Variants in PLK4 observed in about 807,000 individuals in gnomAD.
PLK4 encodes the protein serine/threonine-protein kinase PLK4.
In PLK4, 51 loss-of-function variants were observed where a neutral mutation model predicts 103.0. The ratio of observed to expected loss-of-function variants is 0.50; its 90% CI spans 0.40 to 0.63. The LOEUF is 0.63. PLK4 is among the 20% of genes least tolerant of loss of function. The pLI, the probability that PLK4 is intolerant of heterozygous loss-of-function variation, is 0.00. For synonymous variants in PLK4, 389 were observed against 376.8 expected (o/e 1.03, Z -0.38); for missense variants, 1,054 against 1,151.0 (o/e 0.92, Z 1.22).
In PLK4 at chr4:127,886,314, G is replaced by A; in HGVS notation, c.944G>A (p.Gly315Asp). Residue 315 changes from glycine to aspartate, a missense_variant, in exon 5 of 16, where the codon GGT becomes GAT. Gly to Asp is a moderately conservative substitution (Grantham distance 94). Coordinates refer to ENST00000270861, the MANE Select transcript of PLK4 (RefSeq NM_014264.5). ...TTTGACAAAAGAAGACTTTTGATTG[G>A]TCAGCCACTCCCAAATAAAATGACT... Reference protein sequence around the residue: ...SLFDKRRLLIGQPLPNKMTVF... With the variant: ...SLFDKRRLLIDQPLPNKMTVF... The A allele has an allele frequency of 6.2e-7, 1 of 1,613,896 alleles. No individual in the cohort carries two copies. The highest frequency in any genetic ancestry group is 8.5e-7 in the Non-Finnish European group (1 of 1,179,946).
intron 4 of PLK4, among the ~76,000 whole-genome samples, chr4:127,884,245 G>A (rs1735034444): frequency 6.6e-6 from 1 of 152,156 alleles, no homozygotes. Flanking sequence ...ACAAATGATT[G>A]TTTTCAAGTT....
intron 15 of PLK4, among the ~76,000 whole-genome samples, 192 bp downstream of exon 15, chr4:127,897,099 C>T (rs1735597469): frequency 1.3e-5 from 2 of 152,120 alleles, no homozygotes; most frequent in South Asian, 4.1e-4. Context: ...TGTATTAACT[C>T]AGGGCAATTG....
At position 127,893,423 on chromosome 4, in the gene PLK4, A is replaced by C. The variant is rs566795202; in HGVS notation, c.2322+5A>C. The stretch of plus-strand genomic sequence containing the variant: ...TATATGGACCATGCTAATGAGGTAC[A>C]TACCTAATTGTAGGTTTTTCATACC... On this transcript the variant is annotated splice_donor_5th_base_variant and intron_variant, in intron 11 of 15. Transcript: ENST00000270861. The C allele has an allele frequency of 2.5e-6, 4 of 1,602,856 alleles. No homozygotes were observed. The African/African-American group carries it at 5.4e-5, about 22-fold the overall frequency.
intron 15 of PLK4, 63 bp from the exon 16 acceptor site, chr4:127,898,376 G>C: frequency 1.3e-6 from 1 of 750,074 alleles, no homozygotes; most frequent in Non-Finnish European, 2.3e-6. Context: ...TGCTTTTTGG[G>C]ACTCTCATGA....
At chr4:127,889,795 A>T in intron 6 of PLK4, 71 bp from the exon 7 acceptor site, 1 of 1,095,720 alleles carries the variant, frequency 9.1e-7, no homozygotes, top group East Asian at 2.4e-5. Flanking sequence ...TTACAATCAG[A>T]GTGACGTTAT....
In PLK4 at chr4:127,885,822, A is replaced by AG; in HGVS notation, c.453dup (p.Ile152AspfsTer3). On this transcript the variant is annotated frameshift_variant, in exon 5 of 16. Transcript: ENST00000270861. LOFTEE classifies it high-confidence loss of function. ...CTACTGACTCGTAATATGAACATCA[A>AG]GATTGCTGATTTTGGGCTGGCAACT... 2 of 1,614,110 alleles carry AG rather than the reference A, an allele frequency of 1.2e-6. No homozygotes were observed. The highest frequency in any genetic ancestry group is 1.7e-6 in the Non-Finnish European group (2 of 1,179,986).
rs2148826549 is a variant in PLK4 at position 127,898,844 on chromosome 4, GTTTA to G, written c.*307_*310del. ...AAAGCAAAAATGTAAATGATGTGTA[GTTTA>G]TTTGTGCTTTTATTGTTTTCCCTGC... On this transcript the variant is annotated 3_prime_UTR_variant, in exon 16 of 16. Coordinates refer to ENST00000270861, the MANE Select transcript of PLK4 (RefSeq NM_014264.5). The G allele has an allele frequency of 4.9e-6, 1 of 202,044 alleles. No individual in the cohort carries two copies. The highest frequency in any genetic ancestry group is 1.6e-4 in the South Asian group (1 of 6,160). 12.5% of individuals were successfully genotyped at this position (202,044 alleles called of 1,614,324 possible). A position where few individuals can be genotyped will look rare whatever the true frequency, so the allele number is the denominator to read the frequency against.
At position 127,886,668 on chromosome 4, in the gene PLK4, TTAAAG is replaced by T. The variant is rs724159996; in HGVS notation, c.1299_1303del (p.Phe433LeufsTer6). 1.4e-5 allele frequency: 23 copies of T among 1,613,184 alleles called. No individual in the cohort carries two copies. The African/African-American group carries it at 1.9e-4, about 13-fold the overall frequency. ...AACAATGCCAACATTTTTAACTTCT[TTAAAG>T]AAAAGACATCCAGTAGTTCTGGATC... On this transcript the variant is annotated frameshift_variant, in exon 5 of 16. Coordinates refer to ENST00000270861, the MANE Select transcript of PLK4 (RefSeq NM_014264.5). LOFTEE classifies it high-confidence loss of function.
intron 15 of PLK4, among the ~76,000 whole-genome samples, chr4:127,897,191 T>A (rs1336306435): frequency 6.6e-6 from 1 of 152,176 alleles, no homozygotes; most frequent in East Asian, 1.9e-4. Context: ...TTTTCAGAAG[T>A]AAGGGACTCC....
chr4:127,884,624 T>C (rs907931849), intron 4 of PLK4, among the ~76,000 whole-genome samples: 9 of 152,058 alleles, frequency 5.9e-5, no homozygotes, highest in Non-Finnish European at 8.8e-5. Flanking sequence ...GCCAATATGG[T>C]AAAACCCCAT....
chr4:127,893,603 A>G lies in PLK4; in HGVS notation c.2413A>G (p.Arg805Gly). ...TCCCTTTTTCCCAATAATCATAGGAAGGTAAATGTCTGAAAATTTTAAACA... is the reference window on the plus strand; with the variant it reads ...TCCCTTTTTCCCAATAATCATAGGAGGGTAAATGTCTGAAAATTTTAAACA... ...SAPFFPIIIG[R>G]KPGSTSSPKA... The change falls in exon 12 of 16, where the codon AGA becomes GGA. Residue 805 changes from arginine (R) to glycine (G), a missense_variant and splice_region_variant. Transcript: ENST00000270861. 3 of 1,604,896 alleles carry G rather than the reference A, an allele frequency of 1.9e-6. No homozygotes were observed. Among genetic ancestry groups the G allele is most frequent in the Non-Finnish European group, 2.6e-6 (3 of 1,175,162 alleles).
chr4:127,897,890 G>A (rs1279672873), intron 15 of PLK4, among the ~76,000 whole-genome samples: 1 of 118,474 alleles, frequency 8.4e-6, no homozygotes, highest in Non-Finnish European at 1.6e-5. Flanking sequence ...GCCCAGGCTC[G>A]AGTTAGTGGT....
In PLK4 at chr4:127,886,548, C is replaced by T; in HGVS notation, c.1178C>T (p.Thr393Ile). Residue 393 changes from threonine to isoleucine, a missense_variant, in exon 5 of 16, where the codon ACA becomes ATA. Thr to Ile is a moderately conservative substitution (Grantham distance 89, BLOSUM62 -1). Transcript: ENST00000270861. ...GTSNSQSQAK[T>I]YTMERCHSAE... ...TCTAATAGTCAGTCTCAAGCAAAAACATATACAATGGAACGATGTCACTCA... is the reference window on the plus strand; with the variant it reads ...TCTAATAGTCAGTCTCAAGCAAAAATATATACAATGGAACGATGTCACTCA... 6.2e-7 allele frequency: 1 copy of T among 1,614,058 alleles called. No homozygotes were observed. The highest frequency in any genetic ancestry group is 8.5e-7 in the Non-Finnish European group (1 of 1,179,950).
At chr4:127,891,473 AAAT>A (rs987848835) in intron 8 of PLK4, 103 bp from the exon 9 acceptor site, 2 of 473,104 alleles carry the variant, frequency 4.2e-6, no homozygotes, top group African/African-American at 2.0e-5. Context: ...TTTTTCTATA[AAAT>A]AATATTTAAT....
At chr4:127,889,543 C>T (rs1329426480) in intron 6 of PLK4, among the ~76,000 whole-genome samples, 3 of 152,062 alleles carry the variant, frequency 2.0e-5, no homozygotes, top group African/African-American at 4.8e-5. Context: ...GGCACATTGG[C>T]AGTTGCATGC....
rs1484325220 is a variant in PLK4 at position 127,898,606 on chromosome 4, AT to A, written c.*73del. 2.7e-5 allele frequency: 21 copies of A among 770,766 alleles called. No homozygotes were observed. The highest frequency in any genetic ancestry group is 1.5e-4 in the East Asian group (6 of 39,780). 47.7% of individuals were successfully genotyped at this position (770,766 alleles called of 1,614,324 possible). On this transcript the variant is annotated 3_prime_UTR_variant, in exon 16 of 16. Coordinates refer to ENST00000270861, the MANE Select transcript of PLK4 (RefSeq NM_014264.5). ...TTTTTGTTGACTTTCAAGTAAAGTG[AT>A]TTTTTTTAATTTAACATAAAGTCTT...
chr4:127,893,959 G>A lies in PLK4; in HGVS notation c.2562+78G>A. Reference sequence around the variant, plus strand: ...TGCCCTTCTTGTAAAATAGTTTATTGTGGCTTTACTATCATCTACGTACTT... The same window carrying A: ...TGCCCTTCTTGTAAAATAGTTTATTATGGCTTTACTATCATCTACGTACTT... On this transcript the variant is annotated intron_variant, in intron 13 of 15. Coordinates refer to ENST00000270861, the MANE Select transcript of PLK4 (RefSeq NM_014264.5). 4.9e-6 allele frequency: 4 copies of A among 809,940 alleles called. No individual in the cohort carries two copies. In the Admixed American group the frequency reaches 6.8e-5, roughly 14 times the overall value. The allele number at this position is 809,940 out of a possible 1,614,324, so 50.2% of individuals were successfully genotyped here. A position where few individuals can be genotyped will look rare whatever the true frequency, so the allele number is the denominator to read the frequency against.
intron 4 of PLK4, among the ~76,000 whole-genome samples, chr4:127,884,661 G>A (rs185854897): frequency 7.9e-5 from 12 of 152,194 alleles, no homozygotes; most frequent in Non-Finnish European, 1.3e-4. Context: ...AAAATTAGCC[G>A]GGCACGGTGG....
Position 127,893,362 on chromosome 4 carries a change from A to G in PLK4, c.2266A>G (p.Ser756Gly). The stretch of plus-strand genomic sequence containing the variant: ...GAAGTCTTACACTTTAAAAAGTGAA[A>G]GTGAAGTTAATAGCTTGAAAGAGGA... ...TGKSYTLKSE[S>G]EVNSLKEEIK... is the part of the protein sequence containing the mutation. The change falls in exon 11 of 16, where the codon AGT becomes GGT. Residue 756 changes from serine (S) to glycine (G), a missense_variant. Ser to Gly is a moderately conservative substitution (Grantham distance 56). Around this residue, in one of 4 missense-constraint regions of PLK4, gnomAD observed 680 missense variants for 660.3 expected, o/e 1.03. Coordinates refer to ENST00000270861, the MANE Select transcript of PLK4 (RefSeq NM_014264.5). 1 of 1,607,642 alleles carries G rather than the reference A, an allele frequency of 6.2e-7. No individual in the cohort carries two copies. The highest frequency in any genetic ancestry group is 8.5e-7 in the Non-Finnish European group (1 of 1,174,892).
Sources: gnomAD v4.1 joint callset for allele counts (sites outside exome capture counted in the v4.1 genomes callset) on GRCh38, gnomAD v4.1.1 for gene constraint, gnomAD v4.1.1 regional missense constraint, MANE v1.5 for transcripts, NCBI Gene and HGNC (gene_info 2026-07-23, HGNC 2026-07-21) for gene names.